ISG20: variants seen among roughly 807,000 people sequenced by gnomAD.
ISG20 encodes the protein interferon-stimulated gene 20 kDa protein.
In ISG20, 8 loss-of-function variants were observed where a neutral mutation model predicts 11.1. The ratio of observed to expected loss-of-function variants is 0.72; its 90% CI spans 0.42 to 1.30. The LOEUF is 1.30. Among genes scored for constraint, ISG20 ranks in the 50% most tolerant of loss-of-function variants. The probability of loss-of-function intolerance (pLI) is 0.01; values close to 1 mark genes in which losing one functional copy is unlikely to be tolerated. For synonymous variants in ISG20, 110 were observed against 101.7 expected (o/e 1.08, Z -0.49); for missense variants, 243 against 250.2 (o/e 0.97, Z 0.19).
rs1364860084 is a variant in ISG20 at position 88,639,337 on chromosome 15, C to T, written c.-24-6C>T. On this transcript the variant is annotated splice_polypyrimidine_tract_variant and splice_region_variant and intron_variant, in intron 1 of 3. Transcript: ENST00000306072. This position sits in a 1 kb window ranked among gnomAD's most constrained non-coding sequence, Gnocchi z 4.2. ...GTGAGACCGCCCCCCATACCCCTCT[C>T]TCCAGCATCTCTGAGGGTCCCCAAG... 1 of 1,564,016 alleles carries T rather than the reference C, an allele frequency of 6.4e-7. No homozygotes were observed. Among genetic ancestry groups the T allele is most frequent in the Non-Finnish European group, 8.7e-7 (1 of 1,145,028 alleles).
At chr15:88,641,013 A>C (rs1366345403) in intron 2 of ISG20, among the ~76,000 whole-genome samples, 1 of 151,186 alleles carries the variant, frequency 6.6e-6, no homozygotes, top group Non-Finnish European at 1.5e-5. Flanking sequence ...TTTTTTTTTA[A>C]CCGGAGTCTC....
At chr15:88,641,554 T>C (rs1398891909) in intron 2 of ISG20, among the ~76,000 whole-genome samples, 2 of 152,210 alleles carry the variant, frequency 1.3e-5, no homozygotes, top group Non-Finnish European at 2.9e-5. Flanking sequence ...TACCTTGGCT[T>C]ATAGATGCCT....
rs140763009 is a variant in ISG20 at position 88,642,225 on chromosome 15, A to T, written c.228+2631A>T. On this transcript the variant is annotated intron_variant, in intron 2 of 3. Transcript: ENST00000306072. ...ATTACAGGTGTGAATCACTGTGCCC[A>T]GCCAACTTCCTCTTTTTCAAAGGAC... is the stretch of plus-strand genomic sequence containing the variant. Among the ~76,000 whole-genome samples the T allele has an allele frequency of 1.1e-4, 17 of 152,170 alleles. No individual in the cohort carries two copies. In the East Asian group the frequency reaches 3.3e-3, roughly 29 times the overall value.
At chr15:88,653,468 C>T (rs184989477) in intron 3 of ISG20, among the ~76,000 whole-genome samples, 1 of 152,228 alleles carries the variant, frequency 6.6e-6, no homozygotes, top group East Asian at 1.9e-4. Context: ...GAATCATGTC[C>T]GGAGTAGGGA....
chr15:88,639,419 G>A lies in ISG20; in HGVS notation c.53G>A (p.Gly18Glu). 4.3e-6 allele frequency: 7 copies of A among 1,613,704 alleles called. No homozygotes were observed. Among genetic ancestry groups the A allele is most frequent in the Non-Finnish European group, 5.9e-6 (7 of 1,179,836 alleles). Residue 18 changes from glycine to glutamate, a missense_variant, in exon 2 of 4, where the codon GGG (glycine) becomes GAG (glutamate). Physicochemically the swap from Gly to Glu is moderately conservative, Grantham distance 98. Transcript: ENST00000306072. This position sits in a 1 kb window ranked among gnomAD's most constrained non-coding sequence, Gnocchi z 4.2. The stretch of plus-strand genomic sequence containing the variant: ...ATGGACTGCGAGATGGTGGGGCTGG[G>A]GCCCCACCGGGAGAGTGGCCTGGCT... ...VAMDCEMVGL[G>E]PHRESGLARC...
At chr15:88,654,250 G>A (rs1380867711) in intron 3 of ISG20, among the ~76,000 whole-genome samples, 2 of 152,300 alleles carry the variant, frequency 1.3e-5, no homozygotes, top group Middle Eastern at 6.8e-3. Context: ...CAAGGATGGT[G>A]ACAGGGGCAG....
upstream of ISG20, among the ~76,000 whole-genome samples, chr15:88,637,196 G>T (rs1322587908): frequency 6.6e-6 from 1 of 152,184 alleles, no homozygotes; most frequent in African/African-American, 2.4e-5. Context: ...AAGTCACCAT[G>T]TGCATAAACC....
chr15:88,637,545 G>C (rs1175587662), upstream of ISG20: 11 of 152,278 alleles, frequency 7.2e-5, no homozygotes, highest in African/African-American at 2.2e-4. Flanking sequence ...GACTAGGGTA[G>C]GACTTCCACA....
intron 2 of ISG20, 35 bp from the exon 3 acceptor site, chr15:88,652,075 G>C: frequency 1.2e-6 from 2 of 1,613,426 alleles, no homozygotes; most frequent in Non-Finnish European, 1.7e-6. Context: ...AAGATGCTGG[G>C]TCATGTAGGG....
chr15:88,638,910 C>T (rs955570162), upstream of ISG20: 2 of 197,972 alleles, frequency 1.0e-5, no homozygotes, highest in Non-Finnish European at 2.1e-5. Flanking sequence ...CCCACGTGCC[C>T]GGCCTTCCGC....
At chr15:88,654,231 C>T (rs2058336524) in intron 3 of ISG20, among the ~76,000 whole-genome samples, 1 of 152,192 alleles carries the variant, frequency 6.6e-6, no homozygotes, top group Non-Finnish European at 1.5e-5. Flanking sequence ...CCTCAGTTTC[C>T]TCATCTGTCA....
At position 88,655,579 on chromosome 15, in the gene ISG20, G is replaced by T; in HGVS notation, c.*48G>T. ...AGGGACTAGAGGCTTTCGGCTTTTTGGGACAGCAACTACCTTGCTTTTGGA... is the reference window on the plus strand; with the variant it reads ...AGGGACTAGAGGCTTTCGGCTTTTTTGGACAGCAACTACCTTGCTTTTGGA... On this transcript the variant is annotated 3_prime_UTR_variant, in exon 4 of 4. Transcript: ENST00000306072. 1 of 1,392,836 alleles carries T rather than the reference G, an allele frequency of 7.2e-7. No individual in the cohort carries two copies. The highest frequency in any genetic ancestry group is 1.2e-5 in the South Asian group (1 of 82,016). 86.3% of individuals were successfully genotyped at this position (1,392,836 alleles called of 1,614,324 possible).
chr15:88,641,703 C>T (rs1444359790), intron 2 of ISG20, among the ~76,000 whole-genome samples: 1 of 152,122 alleles, frequency 6.6e-6, no homozygotes, highest in African/African-American at 2.4e-5. Flanking sequence ...AGGATCTGGG[C>T]TCACTGCAAC....
chr15:88,639,233 G>A lies in ISG20; in HGVS notation c.-24-110G>A, dbSNP rs2058037006. 1.5e-5 allele frequency: 10 copies of A among 661,410 alleles called. No individual in the cohort carries two copies. The highest frequency in any genetic ancestry group is 2.6e-5 in the Non-Finnish European group (10 of 389,096). The allele number at this position is 661,410 out of a possible 1,614,324, so 41.0% of individuals were successfully genotyped here. A position where few individuals can be genotyped will look rare whatever the true frequency, so the allele number is the denominator to read the frequency against. Reference sequence around the variant, plus strand: ...CCAGCTTCCACTGTGGCCAGGTGGTGTCGGAAACAAAGGGCAGGGCGGAGG... The same window carrying A: ...CCAGCTTCCACTGTGGCCAGGTGGTATCGGAAACAAAGGGCAGGGCGGAGG... On this transcript the variant is annotated intron_variant, in intron 1 of 3. Coordinates refer to ENST00000306072, the MANE Select transcript of ISG20 (RefSeq NM_002201.6). This position sits in a 1 kb window ranked among gnomAD's most constrained non-coding sequence, Gnocchi z 4.2.
chr15:88,651,365 G>A (rs774419820), intron 2 of ISG20: 70 of 900,210 alleles, frequency 7.8e-5, no homozygotes, highest in Admixed American at 1.2e-4. Context: ...TTCTCTTACA[G>A]TTCTGTAGTT....
chr15:88,651,935 G>GA, intron 2 of ISG20, 175 bp from the exon 3 acceptor site: 8 of 1,433,650 alleles, frequency 5.6e-6, no homozygotes, highest in Non-Finnish European at 7.3e-6. Flanking sequence ...CAGGTGTGAG[G>GA]AGGGTCCTAG....
At chr15:88,646,544 G>A (rs1298058016) in intron 2 of ISG20, among the ~76,000 whole-genome samples, 2 of 152,218 alleles carry the variant, frequency 1.3e-5, no homozygotes, top group African/African-American at 4.8e-5. Flanking sequence ...TGTCTCTGTG[G>A]ATGAGGACAC....
intron 2 of ISG20, among the ~76,000 whole-genome samples, chr15:88,645,213 G>T (rs1400886560): frequency 6.6e-6 from 1 of 152,118 alleles, no homozygotes; most frequent in Non-Finnish European, 1.5e-5. Context: ...GCAAGTTATT[G>T]AACCTTTCTG....
At chr15:88,652,084 G>C (rs1294731711) in intron 2 of ISG20, 26 bp from the exon 3 acceptor site, 1 of 1,613,728 alleles carries the variant, frequency 6.2e-7, no homozygotes, top group East Asian at 2.2e-5. Flanking sequence ...GGTCATGTAG[G>C]GGTGGGCACA....
Sources: allele counts gnomAD v4.1 joint callset (sites outside exome capture counted in the v4.1 genomes callset), GRCh38; gene constraint gnomAD v4.1.1; non-coding constraint Gnocchi (gnomAD v3.1); transcripts MANE v1.5; gene names NCBI Gene and HGNC (gene_info 2026-07-23, HGNC 2026-07-21).